Variants in GSE1 observed in about 807,000 individuals in gnomAD.
The protein encoded by GSE1 is Gse1 coiled-coil protein, also known as genetic suppressor element 1.
GSE1 carries 32 observed loss-of-function variants against 112.6 expected under a neutral mutation model. That is an observed-to-expected ratio of 0.28 (90% CI 0.21 to 0.38). The LOEUF is 0.38. GSE1 is among the 10% of genes least tolerant of loss of function. The probability of loss-of-function intolerance (pLI) is 1.00; values close to 1 mark genes in which losing one functional copy is unlikely to be tolerated. For missense variants in GSE1, 2,348 were observed against 1,699.2 expected (o/e 1.38, Z -6.71); for synonymous variants, 1,115 against 735.6 (o/e 1.52, Z -8.35).
At chr16:85,185,144 A>G (rs957226406) in intron 1 of GSE1, 1 of 152,196 alleles carries the variant, frequency 6.6e-6, no homozygotes, top group African/African-American at 2.4e-5. Context: ...TTCCACTATG[A>G]TGCAGCTCCT....
At chr16:85,328,734 C>T (rs1283641359) in intron 1 of GSE1, among the ~76,000 whole-genome samples, 1 of 152,236 alleles carries the variant, frequency 6.6e-6, no homozygotes, top group Non-Finnish European at 1.5e-5. Context: ...CATGTCCGTG[C>T]CCCTGCCGGG....
At chr16:85,187,443 G>A (rs980235359) in intron 1 of GSE1, among the ~76,000 whole-genome samples, 6 of 152,200 alleles carry the variant, frequency 3.9e-5, no homozygotes, top group Non-Finnish European at 8.8e-5. Flanking sequence ...GAGAGAGAAG[G>A]AGTTAAAAAC....
At chr16:85,224,332 G>A (rs200528957) in intron 1 of GSE1, among the ~76,000 whole-genome samples, 2,022 of 69,188 alleles carry the variant, frequency 0.029, 25 homozygotes, top group Non-Finnish European at 0.04. Flanking sequence ...AAAAAAAAAA[G>A]GGAACACACA....
rs1051200506 is a variant in GSE1 at position 85,648,575 on chromosome 16, T to C, written c.250T>C (p.Ser84Pro). The change falls in exon 3 of 16, where the codon TCC (serine) becomes CCC (proline). Residue 84 changes from serine (S) to proline (P), a missense_variant. Physicochemically the swap from Ser to Pro is moderately conservative, Grantham distance 74. Transcript: ENST00000253458. ...PRGSSLSSES[S>P]PVSSPATNHS... ...AGGGTCCTCACTGAGCAGCGAGTCG[T>C]CCCCCGTGTCCTCTCCGGCCACCAA... The C allele has an allele frequency of 2.0e-5, 32 of 1,575,952 alleles. No homozygotes were observed. The highest frequency in any genetic ancestry group is 2.6e-5 in the Non-Finnish European group (30 of 1,161,426).
At chr16:85,243,859 G>T (rs577634578) in intron 1 of GSE1, among the ~76,000 whole-genome samples, 82 of 152,302 alleles carry the variant, frequency 5.4e-4, no homozygotes, top group African/African-American at 1.8e-3. Flanking sequence ...AGGCACGGTG[G>T]CTCACGCCTG....
chr16:85,519,602 C>T (rs1311642686), intron 2 of GSE1, among the ~76,000 whole-genome samples: 1 of 148,266 alleles, frequency 6.7e-6, no homozygotes, highest in Non-Finnish European at 1.5e-5. Context: ...TCACCTTCAC[C>T]ACCATCATCA....
intron 2 of GSE1, among the ~76,000 whole-genome samples, chr16:85,646,074 C>G (rs1171967398): frequency 7.2e-6 from 1 of 138,918 alleles, no homozygotes; most frequent in East Asian, 2.1e-4. Flanking sequence ...TGCATGCATT[C>G]TACCTGCTTC....
At chr16:85,343,384 A>T (rs2046665621) in intron 1 of GSE1, among the ~76,000 whole-genome samples, 2 of 151,872 alleles carry the variant, frequency 1.3e-5, no homozygotes, top group African/African-American at 4.8e-5. Flanking sequence ...TTGCCCTTGG[A>T]GGCTGGGTGA....
intron 2 of GSE1, among the ~76,000 whole-genome samples, chr16:85,395,220 T>G (rs1380505959): frequency 6.6e-6 from 1 of 152,048 alleles, no homozygotes; most frequent in East Asian, 1.9e-4. Flanking sequence ...GGGAATGGAA[T>G]GGAACCGAAT....
chr16:85,371,480 G>A (rs1350758930), intron 2 of GSE1, among the ~76,000 whole-genome samples: 3 of 152,170 alleles, frequency 2.0e-5, no homozygotes, highest in East Asian at 1.9e-4. Context: ...CCCAGGGGAC[G>A]GTGACCTCAG....
chr16:85,314,706 G>A (rs1049754075), intron 1 of GSE1, among the ~76,000 whole-genome samples: 10 of 152,274 alleles, frequency 6.6e-5, no homozygotes, highest in African/African-American at 1.4e-4. Context: ...CTGGAGCTCC[G>A]CCGTCTCCCC....
In GSE1 at chr16:85,633,957, C is replaced by T. The variant is rs766427270; in HGVS notation, c.51C>T (p.Ser17=). The change falls in exon 2 of 16, where the codon TCC becomes TCT. Residue 17 remains serine (S), a synonymous_variant. Transcript: ENST00000253458. ...AGTCCCCTTCGCTAGGGATGCTTTC[C>T]ACCGCGACCAGGACCACCGCCACCG... ...EPKSPSLGML[S]TATRTTATVN... 1.8e-5 allele frequency: 29 copies of T among 1,612,990 alleles called. No individual in the cohort carries two copies. In the South Asian group the frequency reaches 3.2e-4, roughly 18 times the overall value.
chr16:85,642,426 G>GCCGGCA (rs1343916535), intron 2 of GSE1, among the ~76,000 whole-genome samples: 1 of 152,174 alleles, frequency 6.6e-6, no homozygotes, highest in African/African-American at 2.4e-5. Flanking sequence ...TCCCACCCTG[G>GCCGGCA]CCGGCACCTG....
intron 13 of GSE1, among the ~76,000 whole-genome samples, chr16:85,666,999 C>G (rs1291530893): frequency 6.6e-6 from 1 of 152,210 alleles, no homozygotes; most frequent in Non-Finnish European, 1.5e-5. Context: ...TACAAGTACT[C>G]TAGAGGTGTG....
chr16:85,583,897 G>A lies in GSE1; in HGVS notation c.37+27534G>A, dbSNP rs572761452. Among the ~76,000 whole-genome samples, 4 of 152,344 alleles carry A rather than the reference G, an allele frequency of 2.6e-5. No homozygotes were observed. The South Asian group carries it at 8.3e-4, about 32-fold the overall frequency. On this transcript the variant is annotated intron_variant, in intron 1 of 2. Coordinates refer to the GSE1 transcript ENST00000635906. ...GGGAGTGAGGGAAAGGAGGCAGGCA[G>A]CTTTTATGTAAAGACAGTGATGGTC...
intron 2 of GSE1, among the ~76,000 whole-genome samples, chr16:85,522,724 A>G (rs898870703): frequency 6.6e-6 from 1 of 152,078 alleles, no homozygotes; most frequent in East Asian, 1.9e-4. Context: ...ATGGTTGCGC[A>G]GAGTGTTGGA....
intron 1 of GSE1, among the ~76,000 whole-genome samples, chr16:85,596,600 CTATT>C (rs1181259573): frequency 5.3e-5 from 8 of 152,214 alleles, no homozygotes; most frequent in Non-Finnish European, 7.3e-5. Flanking sequence ...TAGCCACTAT[CTATT>C]TATGCTTAAT....
chr16:85,552,709 C>T (rs907132755), upstream of GSE1, among the ~76,000 whole-genome samples: 2 of 152,218 alleles, frequency 1.3e-5, no homozygotes, highest in Non-Finnish European at 2.9e-5. Flanking sequence ...CTAAAGGCCC[C>T]TTTCCCAATC....
intron 1 of GSE1, among the ~76,000 whole-genome samples, chr16:85,322,673 T>C (rs55858233): frequency 0.039 from 5,798 of 150,376 alleles, 140 homozygotes; most frequent in Middle Eastern, 0.051. Context: ...TCCAGTGCAA[T>C]GGCGTGATCT....
Sources: gnomAD v4.1 joint callset for allele counts (sites outside exome capture counted in the v4.1 genomes callset) on GRCh38, gnomAD v4.1.1 for gene constraint, MANE v1.5 for transcripts, NCBI Gene and HGNC (gene_info 2026-07-23, HGNC 2026-07-21) for gene names.